CKAP4: variants seen among roughly 807,000 people sequenced by gnomAD.
CKAP4 encodes cytoskeleton-associated protein 4.
A neutral mutation model predicts 24.4 loss-of-function variants in CKAP4; 20 were observed. The observed-to-expected ratio is 0.82, with a 90% CI of 0.58 to 1.19. The LOEUF (loss-of-function observed/expected upper bound fraction) is 1.19. Ranked by LOEUF, CKAP4 falls within the 50% of genes most tolerant of loss-of-function variation. The pLI is 0.00. For synonymous variants in CKAP4, 378 were observed against 351.7 expected, an observed-to-expected ratio of 1.07 and a Z score of -0.84; for missense variants, 744 against 765.3, an observed-to-expected ratio of 0.97 and a Z score of 0.33.
rs1181934644 is a variant in CKAP4, at chr12:106,238,011, T to C, written c.*1013A>G. On this transcript the variant is annotated 3_prime_UTR_variant, in exon 2 of 2. Transcript: ENST00000378026. Reference sequence around the variant, plus strand: ...TTTCGGGTTTTTTTTTTTTTTTTTTTTTCAATTTTTTTTGGAAGGGCAAGA... The same window carrying C: ...TTTCGGGTTTTTTTTTTTTTTTTTTCTTCAATTTTTTTTGGAAGGGCAAGA... The C allele has an allele frequency of 6.8e-6, 1 of 146,106 alleles. No homozygotes were observed. Among genetic ancestry groups the C allele is most frequent in the Admixed American group, 6.7e-5 (1 of 14,820 alleles). 9.1% of individuals were successfully genotyped at this position (146,106 alleles called of 1,614,324 possible).
At position 106,240,124 on chromosome 12, in the gene CKAP4, C is replaced by T. The variant is rs773634121; in HGVS notation, c.709G>A (p.Val237Met). ...GTGAGCTCCGTCAGCCGCTCCTCCACCGTGTTCTCCAGGGACGTGAAGTCC... is the reference window on the plus strand; with the variant it reads ...GTGAGCTCCGTCAGCCGCTCCTCCATCGTGTTCTCCAGGGACGTGAAGTCC... Reference protein sequence around the residue: ...ERDFTSLENTVEERLTELTKS... With the variant: ...ERDFTSLENTMEERLTELTKS... The change falls in exon 2 of 2, where the codon GTG (valine) becomes ATG (methionine). Residue 237 changes from valine to methionine, a missense_variant. Val to Met is a conservative substitution (Grantham distance 21). Coordinates refer to ENST00000378026, the MANE Select transcript of CKAP4 (RefSeq NM_006825.4). The T allele has an allele frequency of 1.9e-6, 3 of 1,614,100 alleles. No individual in the cohort carries two copies. Among genetic ancestry groups the T allele is most frequent in the Non-Finnish European group, 1.7e-6 (2 of 1,180,054 alleles).
Position 106,239,644 on chromosome 12 carries a change from C to T in CKAP4, c.1189G>A (p.Glu397Lys). The T allele has an allele frequency of 6.2e-7, 1 of 1,614,220 alleles. No homozygotes were observed. Among genetic ancestry groups the T allele is most frequent in the Non-Finnish European group, 8.5e-7 (1 of 1,180,048 alleles). The change falls in exon 2 of 2, where the codon GAA becomes AAA. Residue 397 changes from glutamate (E) to lysine (K), a missense_variant. Around this residue, in one of 3 missense-constraint regions of CKAP4, gnomAD observed 401 missense variants for 424.5 expected, o/e 0.94. Coordinates refer to ENST00000378026, the MANE Select transcript of CKAP4 (RefSeq NM_006825.4). This position sits in a 1 kb window ranked among gnomAD's most constrained non-coding sequence, Gnocchi z 4.9. ...PKEDGGFRHSEAFEALQQKSQ... is the reference protein window; with the variant it reads ...PKEDGGFRHSKAFEALQQKSQ... ...TTTTGCTGGAGTGCCTCAAAGGCTT[C>T]CGAGTGTCTGAAGCCTCCGTCCTCC...
chr12:106,247,386 G>T lies in CKAP4; in HGVS notation c.466C>A (p.Gln156Lys). 6.5e-7 allele frequency: 1 copy of T among 1,537,292 alleles called. No homozygotes were observed. Residue 156 changes from glutamine (Q) to lysine (K), a missense_variant, in exon 1 of 2, where the codon CAG becomes AAG. Coordinates refer to ENST00000378026, the MANE Select transcript of CKAP4 (RefSeq NM_006825.4). This position sits in a 1 kb window ranked among gnomAD's most constrained non-coding sequence, Gnocchi z 4.5. ...RQREELGQGL[Q>K]GVEQKVQSLQ... The stretch of plus-strand genomic sequence containing the variant: ...GTACCCACCTTCTGCTCGACGCCCT[G>T]CAAGCCCTGGCCCAGCTCCTCCCTC...
In CKAP4 at chr12:106,247,595, G is replaced by A. The variant is rs1176597443; in HGVS notation, c.257C>T (p.Ser86Phe). Residue 86 changes from serine (S) to phenylalanine (F), a missense_variant, in exon 1 of 2, where the codon TCC becomes TTC. By Grantham distance (155) the Ser-to-Phe change is radical. Around this residue, in one of 3 missense-constraint regions of CKAP4, gnomAD observed 300 missense variants for 264.5 expected, o/e 1.13. Transcript: ENST00000378026. This position sits in a 1 kb window ranked among gnomAD's most constrained non-coding sequence, Gnocchi z 4.5. ...GGCGGCGGCGGCGGCAGCGGCGGCG[G>A]AGGCGGAGGAGGAGGAGGAGGACTT... ...GGKSSSSSSA[S>F]AAAAAAAASS... is the part of the protein sequence containing the mutation. 7.1e-7 allele frequency: 1 copy of A among 1,398,904 alleles called. No individual in the cohort carries two copies. The highest frequency in any genetic ancestry group is 2.8e-5 in the Admixed American group (1 of 35,810). The allele number at this position is 1,398,904 out of a possible 1,614,324, so 86.7% of individuals were successfully genotyped here. A position where few individuals can be genotyped will look rare whatever the true frequency, so the allele number is the denominator to read the frequency against.
Position 106,247,267 on chromosome 12 carries a change from G to C in CKAP4, c.483+102C>G. On this transcript the variant is annotated intron_variant, in intron 1 of 1. Transcript: ENST00000378026. The surrounding 1 kb of genome is among the most constrained non-coding windows in gnomAD (Gnocchi z 4.5). ...GCGGCCGGCTCCCGCCTCCGGGCCT[G>C]GGCAGGCAGCGCTAGGGGCCGGTCG... is the stretch of plus-strand genomic sequence containing the variant. 1 of 1,091,348 alleles carries C rather than the reference G, an allele frequency of 9.2e-7. No homozygotes were observed. Among genetic ancestry groups the C allele is most frequent in the Non-Finnish European group, 1.3e-6 (1 of 798,038 alleles). The allele number at this position is 1,091,348 out of a possible 1,614,324, so 67.6% of individuals were successfully genotyped here. A position where few individuals can be genotyped will look rare whatever the true frequency, so the allele number is the denominator to read the frequency against.
chr12:106,247,453 C>A lies in CKAP4; in HGVS notation c.399G>T (p.Glu133Asp). The A allele has an allele frequency of 6.5e-7, 1 of 1,545,324 alleles. No individual in the cohort carries two copies. The highest frequency in any genetic ancestry group is 8.7e-7 in the Non-Finnish European group (1 of 1,147,444). ...GGTGGCTGCGCCGGACCTGCTGGAC[C>A]TCCTCCAGGACGTGGTGGACGCACC... is the stretch of plus-strand genomic sequence containing the variant. ...SGWCVHHVLE[E>D]VQQVRRSHQD... Residue 133 changes from glutamate (E) to aspartate (D), a missense_variant, in exon 1 of 2, where the codon GAG (glutamate) becomes GAT (aspartate). Physicochemically the swap from Glu to Asp is conservative, Grantham distance 45. Around this residue, in one of 3 missense-constraint regions of CKAP4, gnomAD observed 300 missense variants for 264.5 expected, o/e 1.13. Coordinates refer to ENST00000378026, the MANE Select transcript of CKAP4 (RefSeq NM_006825.4). This position sits in a 1 kb window ranked among gnomAD's most constrained non-coding sequence, Gnocchi z 4.5.
intron 1 of CKAP4, among the ~76,000 whole-genome samples, chr12:106,244,959 T>C (rs1290442242): frequency 1.3e-5 from 2 of 151,808 alleles, no homozygotes; most frequent in African/African-American, 4.8e-5. Flanking sequence ...GGAGAAGGGG[T>C]GAGAAGCAAA....
At position 106,247,599 on chromosome 12, in the gene CKAP4, C is replaced by CGGA. The variant is rs576389141; in HGVS notation, c.250_252dup (p.Ser84dup). Reference sequence around the variant, plus strand: ...GCGGCGGCGGCAGCGGCGGCGGAGGCGGAGGAGGAGGAGGAGGACTTGCCG... The same window carrying CGGA: ...GCGGCGGCGGCAGCGGCGGCGGAGGCGGAGGAGGAGGAGGAGGAGGACTTGCCG... On this transcript the variant is annotated inframe_insertion, in exon 1 of 2. Transcript: ENST00000378026. The surrounding 1 kb of genome is among the most constrained non-coding windows in gnomAD (Gnocchi z 4.5). 7.5e-3 allele frequency: 9,684 copies of CGGA among 1,294,792 alleles called. 26 individuals carry two copies. The highest frequency in any genetic ancestry group is 0.021 in the East Asian group (529 of 25,392). The allele number at this position is 1,294,792 out of a possible 1,614,324, so 80.2% of individuals were successfully genotyped here. A position where few individuals can be genotyped will look rare whatever the true frequency, so the allele number is the denominator to read the frequency against.
rs1297179708 is a variant in CKAP4, at chr12:106,238,856, A to G, written c.*168T>C. 3 of 733,206 alleles carry G rather than the reference A, an allele frequency of 4.1e-6. No homozygotes were observed. The highest frequency in any genetic ancestry group is 6.8e-6 in the Non-Finnish European group (3 of 440,662). The allele number at this position is 733,206 out of a possible 1,614,324, so 45.4% of individuals were successfully genotyped here. A position where few individuals can be genotyped will look rare whatever the true frequency, so the allele number is the denominator to read the frequency against. On this transcript the variant is annotated 3_prime_UTR_variant, in exon 2 of 2. Coordinates refer to ENST00000378026, the MANE Select transcript of CKAP4 (RefSeq NM_006825.4). ...GAAGCAGAGAACTTAAATATTGTAA[A>G]TAAGTTAACTGGGCATGAAAATACA...
In CKAP4 at chr12:106,239,415, C is replaced by T. The variant is rs756965333; in HGVS notation, c.1418G>A (p.Arg473Lys). 6.3e-7 allele frequency: 1 copy of T among 1,599,978 alleles called. No homozygotes were observed. The highest frequency in any genetic ancestry group is 1.7e-4 in the Middle Eastern group (1 of 6,046). ...CACCAGCTGGGTCTCGCCCAGGCTC[C>T]TCACCGTGCTGGCCAGGCCATCCTG... ...ADQDGLASTV[R>K]SLGETQLVLY... Residue 473 changes from arginine to lysine, a missense_variant, in exon 2 of 2, where the codon AGG becomes AAG. By Grantham distance (26) the Arg-to-Lys change is conservative. This residue lies in a region of CKAP4 where 401 missense variants were observed against 424.5 expected (regional missense o/e 0.94). Coordinates refer to ENST00000378026, the MANE Select transcript of CKAP4 (RefSeq NM_006825.4). This position sits in a 1 kb window ranked among gnomAD's most constrained non-coding sequence, Gnocchi z 4.9.
Position 106,238,013 on chromosome 12 carries a change from T to TTTC in CKAP4, c.*1010_*1011insGAA, listed in dbSNP as rs1446346839. ...TCGGGTTTTTTTTTTTTTTTTTTTTTCAATTTTTTTTGGAAGGGCAAGACA... is the reference window on the plus strand; with the variant it reads ...TCGGGTTTTTTTTTTTTTTTTTTTTTTTCCAATTTTTTTTGGAAGGGCAAGACA... On this transcript the variant is annotated 3_prime_UTR_variant, in exon 2 of 2. Transcript: ENST00000378026. 3 of 122,686 alleles carry TTTC rather than the reference T, an allele frequency of 2.4e-5. No individual in the cohort carries two copies. Among genetic ancestry groups the TTTC allele is most frequent in the Non-Finnish European group, 3.6e-5 (2 of 54,914 alleles). The allele number at this position is 122,686 out of a possible 1,614,324, so 7.6% of individuals were successfully genotyped here.
In CKAP4 at chr12:106,247,431, G is replaced by T; in HGVS notation, c.421C>A (p.His141Asn). 1 of 1,544,118 alleles carries T rather than the reference G, an allele frequency of 6.5e-7. No individual in the cohort carries two copies. ...LEEVQQVRRS[H>N]QDFSRQREEL... ...TCCCTCTGCCGGGAGAAGTCCTGGTGGCTGCGCCGGACCTGCTGGACCTCC... is the reference window on the plus strand; with the variant it reads ...TCCCTCTGCCGGGAGAAGTCCTGGTTGCTGCGCCGGACCTGCTGGACCTCC... Residue 141 changes from histidine to asparagine, a missense_variant, in exon 1 of 2, where the codon CAC becomes AAC. Physicochemically the swap from His to Asn is moderately conservative, Grantham distance 68 (BLOSUM62 1). Coordinates refer to ENST00000378026, the MANE Select transcript of CKAP4 (RefSeq NM_006825.4). This position sits in a 1 kb window ranked among gnomAD's most constrained non-coding sequence, Gnocchi z 4.5.
chr12:106,247,486 G>A lies in CKAP4; in HGVS notation c.366C>T (p.Phe122=), dbSNP rs1468854624. The change falls in exon 1 of 2, where the codon TTC becomes TTT. Residue 122 remains phenylalanine, a synonymous_variant. Transcript: ENST00000378026. The surrounding 1 kb of genome is among the most constrained non-coding windows in gnomAD (Gnocchi z 4.5). The part of the protein sequence containing the change: ...FYLALVAAAA[F]SGWCVHHVLE... ...GGACGTGGTGGACGCACCAGCCCGA[G>A]AAAGCGGCCGCCGCCACCAGGGCGA... 2 of 1,544,960 alleles carry A rather than the reference G, an allele frequency of 1.3e-6. No homozygotes were observed. Among genetic ancestry groups the A allele is most frequent in the Non-Finnish European group, 1.7e-6 (2 of 1,148,402 alleles).
Position 106,239,811 on chromosome 12 carries a change from G to T in CKAP4, c.1022C>A (p.Ala341Glu). 1 of 1,614,028 alleles carries T rather than the reference G, an allele frequency of 6.2e-7. No homozygotes were observed. Reference sequence around the variant, plus strand: ...CAGGGCGAGCCGCTCCGTGTCGGCCGCCTCCTTGAAAGCCTGCTGCTCCTG... The same window carrying T: ...CAGGGCGAGCCGCTCCGTGTCGGCCTCCTCCTTGAAAGCCTGCTGCTCCTG... Reference protein sequence around the residue: ...LKQEQQAFKEAADTERLALQA... With the variant: ...LKQEQQAFKEEADTERLALQA... Residue 341 changes from alanine (A) to glutamate (E), a missense_variant, in exon 2 of 2, where the codon GCG becomes GAG. Coordinates refer to ENST00000378026, the MANE Select transcript of CKAP4 (RefSeq NM_006825.4). This position sits in a 1 kb window ranked among gnomAD's most constrained non-coding sequence, Gnocchi z 4.9.
At position 106,245,159 on chromosome 12, in the gene CKAP4, TCA is replaced by T. The variant is rs149486251; in HGVS notation, c.483+2208_483+2209del. Among the ~76,000 whole-genome samples the T allele has an allele frequency of 9.0e-3, 1,365 of 152,230 alleles. 15 individuals are homozygous for T. Among genetic ancestry groups the T allele is most frequent in the East Asian group, 0.015 (75 of 5,172 alleles). ...AATAGTGCCCCTGCCACGGTGTTCA[TCA>T]CAGTCCTTCTCTCAACATTTATCGA... is the stretch of plus-strand genomic sequence containing the variant. On this transcript the variant is annotated intron_variant, in intron 1 of 1. Coordinates refer to ENST00000378026, the MANE Select transcript of CKAP4 (RefSeq NM_006825.4).
At position 106,238,000 on chromosome 12, in the gene CKAP4, T is replaced by TG. The variant is rs1288761628; in HGVS notation, c.*1023_*1024insC. The TG allele has an allele frequency of 2.6e-4, 38 of 146,068 alleles. No individual in the cohort carries two copies. Among genetic ancestry groups the TG allele is most frequent in the African/African-American group, 9.7e-4 (38 of 39,266 alleles). The allele number at this position is 146,068 out of a possible 1,614,324, so 9.0% of individuals were successfully genotyped here. A position where few individuals can be genotyped will look rare whatever the true frequency, so the allele number is the denominator to read the frequency against. ...TTTTTTTTACTTTTCGGGTTTTTTT[T>TG]TTTTTTTTTTTTTCAATTTTTTTTG... On this transcript the variant is annotated 3_prime_UTR_variant, in exon 2 of 2. Transcript: ENST00000378026.
rs1363283803 is a variant in CKAP4 at position 106,247,354 on chromosome 12, G to C, written c.483+15C>G. 8 of 1,519,186 alleles carry C rather than the reference G, an allele frequency of 5.3e-6. No homozygotes were observed. In the Admixed American group the frequency reaches 8.0e-5, roughly 15 times the overall value. 94.1% of individuals were successfully genotyped at this position (1,519,186 alleles called of 1,614,324 possible). On this transcript the variant is annotated intron_variant, in intron 1 of 1. Coordinates refer to ENST00000378026, the MANE Select transcript of CKAP4 (RefSeq NM_006825.4). This position sits in a 1 kb window ranked among gnomAD's most constrained non-coding sequence, Gnocchi z 4.5. ...CGCAGTCGATGGGGACAGTTGCGGG[G>C]CCGGGGGTACCCACCTTCTGCTCGA...
In CKAP4 at chr12:106,240,226, C is replaced by T; in HGVS notation, c.607G>A (p.Val203Met). The change falls in exon 2 of 2, where the codon GTG becomes ATG. Residue 203 changes from valine (V) to methionine (M), a missense_variant. Around this residue, in one of 3 missense-constraint regions of CKAP4, gnomAD observed 300 missense variants for 264.5 expected, o/e 1.13. Transcript: ENST00000378026. ...GESEVSRISEVLQKLQNEILK... is the reference protein window; with the variant it reads ...GESEVSRISEMLQKLQNEILK... ...ATCTCATTCTGGAGTTTCTGCAGCA[C>T]TTCGCTGATCCGGCTGACCTCACTC... is the stretch of plus-strand genomic sequence containing the variant. 1 of 1,614,196 alleles carries T rather than the reference C, an allele frequency of 6.2e-7. No individual in the cohort carries two copies. Among genetic ancestry groups the T allele is most frequent in the Non-Finnish European group, 8.5e-7 (1 of 1,180,030 alleles).
In CKAP4 at chr12:106,239,312, C is replaced by T. The variant is rs1328605429; in HGVS notation, c.1521G>A (p.Gln507=). Residue 507 remains glutamine, a synonymous_variant, in exon 2 of 2, where the codon CAG becomes CAA. Transcript: ENST00000378026. The surrounding 1 kb of genome is among the most constrained non-coding windows in gnomAD (Gnocchi z 4.9). The part of the protein sequence containing the change: ...PSTVESLQKV[Q]EQVHTLLSQD... ...GACTGAGCAGCGTGTGCACCTGCTC[C>T]TGCACCTTCTGGAGTGATTCCACGG... 1 of 1,610,158 alleles carries T rather than the reference C, an allele frequency of 6.2e-7. No homozygotes were observed. Among genetic ancestry groups the T allele is most frequent in the African/African-American group, 1.3e-5 (1 of 75,058 alleles).
Sources: allele counts gnomAD v4.1 joint callset (sites outside exome capture counted in the v4.1 genomes callset), GRCh38; gene constraint gnomAD v4.1.1; regional missense constraint gnomAD v4.1.1; non-coding constraint Gnocchi (gnomAD v3.1); transcripts MANE v1.5; gene names NCBI Gene and HGNC (gene_info 2026-07-23, HGNC 2026-07-21).